The following RBMS3 variants were observed in gnomAD, a reference collection of about 807,000 sequenced individuals.
RBMS3 encodes the protein RNA binding motif single stranded interacting protein 3, also known as RNA-binding motif, single-stranded-interacting protein 3.
A neutral mutation model predicts 66.8 loss-of-function variants in RBMS3; 27 were observed. The observed-to-expected ratio is 0.40, with a 90% CI of 0.30 to 0.56. The LOEUF (loss-of-function observed/expected upper bound fraction) is 0.56. Among genes scored for constraint, RBMS3 ranks in the 20% least tolerant of loss-of-function variants. The pLI is 0.40. For missense variants in RBMS3, 513 were observed against 549.5 expected (o/e 0.93, Z 0.66); for synonymous variants, 188 against 183.0 (o/e 1.03, Z -0.22).
intron 6 of RBMS3, among the ~76,000 whole-genome samples, chr3:29,786,448 T>C (rs1271311982): frequency 6.6e-6 from 1 of 152,098 alleles, no homozygotes; most frequent in Non-Finnish European, 1.5e-5. Flanking sequence ...CAAACTATAC[T>C]ACAAGGCCAT....
At chr3:29,473,077 G>T (rs1268085528) in intron 2 of RBMS3, among the ~76,000 whole-genome samples, 1 of 151,630 alleles carries the variant, frequency 6.6e-6, no homozygotes, top group East Asian at 2.0e-4. Flanking sequence ...CTAGGCACAG[G>T]GTGCTGATTG....
intron 5 of RBMS3, among the ~76,000 whole-genome samples, chr3:29,753,188 A>G (rs2055258103): frequency 6.6e-6 from 1 of 152,198 alleles, no homozygotes; most frequent in African/African-American, 2.4e-5. Flanking sequence ...GCAAAATGAA[A>G]GCATTTGCAG....
At chr3:29,722,577 C>T (rs1044068473) in intron 4 of RBMS3, among the ~76,000 whole-genome samples, 8 of 152,174 alleles carry the variant, frequency 5.3e-5, no homozygotes, top group South Asian at 4.2e-4. Context: ...GGTTTGGGAT[C>T]TAGGATTCAA....
chr3:29,654,610 TGA>T (rs767760713), intron 4 of RBMS3, among the ~76,000 whole-genome samples: 30 of 150,936 alleles, frequency 2.0e-4, no homozygotes, highest in Admixed American at 4.0e-4. Context: ...TTTTTTTTTT[TGA>T]GAGAGTTTCA....
chr3:29,828,327 T>G (rs963206701), intron 6 of RBMS3, among the ~76,000 whole-genome samples: 2 of 152,156 alleles, frequency 1.3e-5, no homozygotes, highest in African/African-American at 4.8e-5. Context: ...TAGTATTATA[T>G]TATTCTTTAT....
At chr3:29,311,553 G>C (rs575356037) in intron 1 of RBMS3, among the ~76,000 whole-genome samples, 82 of 151,872 alleles carry the variant, frequency 5.4e-4, no homozygotes, top group African/African-American at 1.9e-3. Flanking sequence ...ATGTGTTCCT[G>C]GGGTGCCATA....
intron 3 of RBMS3, among the ~76,000 whole-genome samples, chr3:29,512,612 C>CAAGA (rs2044458579): frequency 6.6e-6 from 1 of 151,792 alleles, no homozygotes; most frequent in Non-Finnish European, 1.5e-5. Context: ...GAAACTGACC[C>CAAGA]AAAGACTTGA....
rs775426825 is a variant in RBMS3 at position 29,868,869 on chromosome 3, C to A, written c.649C>A (p.Pro217Thr). 2 of 1,598,016 alleles carry A rather than the reference C, an allele frequency of 1.3e-6. No homozygotes were observed. Among genetic ancestry groups the A allele is most frequent in the South Asian group, 1.1e-5 (1 of 88,268 alleles). Reference protein sequence around the residue: ...TPPGIPAPSEPLLCKFADGGQ... With the variant: ...TPPGIPAPSETLLCKFADGGQ... ...TCTTATCTTCCCAGCCCCCAGTGAGCCTTTGCTGTGCAAATTCGCTGATGG... is the reference window on the plus strand; with the variant it reads ...TCTTATCTTCCCAGCCCCCAGTGAGACTTTGCTGTGCAAATTCGCTGATGG... Residue 217 changes from proline (P) to threonine (T), a missense_variant, in exon 7 of 15, where the codon CCT (proline) becomes ACT (threonine). Coordinates refer to ENST00000383767, the MANE Select transcript of RBMS3 (RefSeq NM_001003793.3).
chr3:29,887,215 G>C (rs1217504346), intron 8 of RBMS3, among the ~76,000 whole-genome samples: 1 of 151,734 alleles, frequency 6.6e-6, no homozygotes, highest in Non-Finnish European at 1.5e-5. Context: ...GCAAAAGAGA[G>C]AAACAAAAGT....
intron 12 of RBMS3, among the ~76,000 whole-genome samples, chr3:29,966,296 C>T (rs1012852085): frequency 6.6e-6 from 1 of 152,110 alleles, no homozygotes; most frequent in African/African-American, 2.4e-5. Context: ...TTGAATACTG[C>T]TTTTGGCAGT....
intron 6 of RBMS3, among the ~76,000 whole-genome samples, chr3:29,865,126 A>AAGGAAGGAAGGAAGGAAGGAAGGAAGGG: frequency 6.6e-6 from 1 of 150,488 alleles, no homozygotes; most frequent in Admixed American, 6.6e-5. Flanking sequence ...GGAAGGAAGG[A>AAGGAAGGAAGGAAGGAAGGAAGGAAGGG]AGGAAGGAAA....
chr3:29,315,868 C>G (rs922107792), intron 1 of RBMS3, among the ~76,000 whole-genome samples: 2 of 151,744 alleles, frequency 1.3e-5, no homozygotes, highest in Admixed American at 1.3e-4. Flanking sequence ...ATCACTGACA[C>G]AGCTCTACTG....
chr3:29,316,680 T>G (rs7624339), intron 1 of RBMS3, among the ~76,000 whole-genome samples: 118,479 of 151,144 alleles, frequency 0.78, 46,694 homozygotes, highest in East Asian at 0.89. Flanking sequence ...CAAAAACAGT[T>G]GTCCAGGCTC....
At chr3:29,774,684 A>C (rs951893862) in intron 6 of RBMS3, among the ~76,000 whole-genome samples, 1 of 152,022 alleles carries the variant, frequency 6.6e-6, no homozygotes, top group Non-Finnish European at 1.5e-5. Context: ...TTTCACTCTG[A>C]TTCTCTCATG....
intron 4 of RBMS3, among the ~76,000 whole-genome samples, chr3:29,722,724 G>A (rs1352316768): frequency 1.3e-5 from 2 of 151,932 alleles, no homozygotes; most frequent in Admixed American, 6.6e-5. Context: ...TAGATCTATG[G>A]GATGTTTTTC....
chr3:29,852,745 G>T (rs1373602589), intron 6 of RBMS3, among the ~76,000 whole-genome samples: 1 of 152,214 alleles, frequency 6.6e-6, no homozygotes, highest in South Asian at 2.1e-4. Flanking sequence ...GTGGAAAACA[G>T]TGTGGCAATT....
chr3:29,450,101 T>C (rs553963217), intron 2 of RBMS3, among the ~76,000 whole-genome samples: 41 of 152,310 alleles, frequency 2.7e-4, no homozygotes, highest in African/African-American at 9.1e-4. Context: ...GCGGGCCTAA[T>C]GTCTGTCTAA....
chr3:29,480,806 A>C (rs1477961356), intron 2 of RBMS3, among the ~76,000 whole-genome samples: 1 of 152,226 alleles, frequency 6.6e-6, no homozygotes, highest in Non-Finnish European at 1.5e-5. Flanking sequence ...CAGAGGGGAA[A>C]GAGCCCTGGC....
intron 12 of RBMS3, among the ~76,000 whole-genome samples, chr3:29,961,245 T>G (rs929400282): frequency 6.6e-6 from 1 of 152,172 alleles, no homozygotes; most frequent in African/African-American, 2.4e-5. Context: ...GTCACCTTTG[T>G]TCTAGTTCCC....
Sources: gnomAD v4.1 joint callset for allele counts (sites outside exome capture counted in the v4.1 genomes callset) on GRCh38, gnomAD v4.1.1 for gene constraint, MANE v1.5 for transcripts, NCBI Gene and HGNC (gene_info 2026-07-23, HGNC 2026-07-21) for gene names.